The following VPS37B variants were observed in gnomAD, a reference collection of about 807,000 sequenced individuals.
VPS37B encodes VPS37B subunit of ESCRT-I, also known as vacuolar protein sorting-associated protein 37B.
Under a neutral mutation model 21.2 loss-of-function variants are expected in VPS37B, and 11 were observed. The observed-to-expected ratio is 0.52, with a 90% CI of 0.33 to 0.86. VPS37B has a LOEUF of 0.86. Among genes scored for constraint, VPS37B ranks in the 40% least tolerant of loss-of-function variants. VPS37B has a pLI of 0.03. For missense variants in VPS37B, 389 were observed against 374.8 expected, an observed-to-expected ratio of 1.04 and a Z score of -0.31; for synonymous variants, 175 against 159.6, an observed-to-expected ratio of 1.10 and a Z score of -0.73.
intron 1 of VPS37B, chr12:122,883,414 T>C (rs932804855): frequency 2.0e-5 from 3 of 152,224 alleles, no homozygotes; most frequent in East Asian, 1.9e-4. Context: ...AGTGACACAC[T>C]TGACAGTTTC....
intron 1 of VPS37B, chr12:122,872,308 C>T (rs2034055068): frequency 2.0e-6 from 2 of 985,442 alleles, no homozygotes; most frequent in Non-Finnish European, 2.4e-6. Context: ...CTAACCCCAG[C>T]AGGAGGGCTC....
chr12:122,885,736 T>C (rs1335042947), intron 1 of VPS37B: 1 of 131,302 alleles, frequency 7.6e-6, no homozygotes, highest in East Asian at 2.4e-4. Flanking sequence ...CAGGCTGGAG[T>C]GCAGTGGCGC....
chr12:122,881,214 G>C (rs1274499588), intron 1 of VPS37B: 1 of 152,208 alleles, frequency 6.6e-6, no homozygotes, highest in East Asian at 1.9e-4. Flanking sequence ...CTCTGTGACA[G>C]TGAGACAAAT....
At chr12:122,892,158 A>G (rs1272256801) in intron 1 of VPS37B, among the ~76,000 whole-genome samples, 1 of 152,236 alleles carries the variant, frequency 6.6e-6, no homozygotes, top group African/African-American at 2.4e-5. Context: ...AATAAAATAC[A>G]TGCATATGAA....
At chr12:122,872,635 C>T in intron 1 of VPS37B, 1 of 985,406 alleles carries the variant, frequency 1.0e-6, no homozygotes, top group South Asian at 4.7e-5. Flanking sequence ...CTATGCCAGG[C>T]CATGCAGAAG....
rs376677805 is a variant in VPS37B at position 122,867,415 on chromosome 12, C to A, written c.559G>T (p.Ala187Ser). Residue 187 changes from alanine to serine, a missense_variant, in exon 4 of 4, where the codon GCC becomes TCC. Coordinates refer to ENST00000267202, the MANE Select transcript of VPS37B (RefSeq NM_024667.3). The surrounding 1 kb of genome is among the most constrained non-coding windows in gnomAD (Gnocchi z 5.5). ...PPRLPELAPT[A>S]PLPYPAPEAS... Reference sequence around the variant, plus strand: ...TCTGGGGCAGGGTAGGGAAGGGGGGCGGTAGGTGCCAGTTCGGGCAGCCTG... The same window carrying A: ...TCTGGGGCAGGGTAGGGAAGGGGGGAGGTAGGTGCCAGTTCGGGCAGCCTG... 1 of 1,492,516 alleles carries A rather than the reference C, an allele frequency of 6.7e-7. No homozygotes were observed. The highest frequency in any genetic ancestry group is 1.2e-5 in the South Asian group (1 of 84,172). 92.5% of individuals were successfully genotyped at this position (1,492,516 alleles called of 1,614,324 possible).
chr12:122,891,770 G>A (rs922500523), intron 1 of VPS37B, among the ~76,000 whole-genome samples: 2 of 152,242 alleles, frequency 1.3e-5, no homozygotes, highest in African/African-American at 4.8e-5. Flanking sequence ...GAGCCATTAT[G>A]ATTCATGCAG....
rs367918670 is a variant in VPS37B, at chr12:122,867,203, C to G, written c.771G>C (p.Ser257=). 1 of 1,573,508 alleles carries G rather than the reference C, an allele frequency of 6.4e-7. No homozygotes were observed. ...VGLPTQQGFS[S]QFVSPYPPPL... is the part of the protein sequence containing the mutation. ...GTGGCGGATATGGGGACACGAACTG[C>G]GAAGAGAATCCTTGCTGAGTGGGGA... Residue 257 remains serine (S), a synonymous_variant, in exon 4 of 4, where the codon TCG becomes TCC. Coordinates refer to ENST00000267202, the MANE Select transcript of VPS37B (RefSeq NM_024667.3). This position sits in a 1 kb window ranked among gnomAD's most constrained non-coding sequence, Gnocchi z 5.5.
In VPS37B at chr12:122,867,069, C is replaced by T. The variant is rs1057026666; in HGVS notation, c.*47G>A. 3.4e-6 allele frequency: 5 copies of T among 1,479,960 alleles called. No homozygotes were observed. The East Asian group carries it at 1.2e-4, about 35-fold the overall frequency. The allele number at this position is 1,479,960 out of a possible 1,614,324, so 91.7% of individuals were successfully genotyped here. ...CAGCCTCCTTCCCGTGAGCAGAGCACAACACGCCAGGTGGAAGAAGTCTCC... is the reference window on the plus strand; with the variant it reads ...CAGCCTCCTTCCCGTGAGCAGAGCATAACACGCCAGGTGGAAGAAGTCTCC... On this transcript the variant is annotated 3_prime_UTR_variant, in exon 4 of 4. Transcript: ENST00000267202. The surrounding 1 kb of genome is among the most constrained non-coding windows in gnomAD (Gnocchi z 5.5).
intron 1 of VPS37B, chr12:122,886,147 G>A (rs2034323809): frequency 6.6e-6 from 1 of 152,098 alleles, no homozygotes; most frequent in African/African-American, 2.4e-5. Flanking sequence ...GTCTCTGATA[G>A]AGCAATACTC....
At position 122,867,519 on chromosome 12, in the gene VPS37B, C is replaced by A. The variant is rs760218716; in HGVS notation, c.455G>T (p.Arg152Leu). Residue 152 changes from arginine (R) to leucine (L), a missense_variant, in exon 4 of 4, where the codon CGA (arginine) becomes CTA (leucine). Arg to Leu is a moderately radical substitution (Grantham distance 102). Transcript: ENST00000267202. The surrounding 1 kb of genome is among the most constrained non-coding windows in gnomAD (Gnocchi z 5.5). ...YQSKRKLAHM[R>L]RVKIEKLQEM... ...CTGGAGCTTCTCGATTTTCACCCGTCGCATGTGGGCCAGTTTCCGTTTGCT... is the reference window on the plus strand; with the variant it reads ...CTGGAGCTTCTCGATTTTCACCCGTAGCATGTGGGCCAGTTTCCGTTTGCT... 8.1e-6 allele frequency: 13 copies of A among 1,613,948 alleles called. No homozygotes were observed. Among genetic ancestry groups the A allele is most frequent in the East Asian group, 4.5e-5 (2 of 44,890 alleles).
Position 122,896,109 on chromosome 12 carries a change from TC to T in VPS37B, c.-48del, listed in dbSNP as rs748632586. ...GCCACCGCCGCTGCGGCCACCAGGC[TC>T]CGCCGACCGGAAGCGCCGCCCTCAA... On this transcript the variant is annotated 5_prime_UTR_variant, in exon 1 of 4. Coordinates refer to ENST00000267202, the MANE Select transcript of VPS37B (RefSeq NM_024667.3). 1 of 1,470,612 alleles carries T rather than the reference TC, an allele frequency of 6.8e-7. No homozygotes were observed. The highest frequency in any genetic ancestry group is 9.0e-7 in the Non-Finnish European group (1 of 1,116,416). The allele number at this position is 1,470,612 out of a possible 1,614,324, so 91.1% of individuals were successfully genotyped here. A position where few individuals can be genotyped will look rare whatever the true frequency, so the allele number is the denominator to read the frequency against.
chr12:122,893,238 T>C (rs554770354), intron 1 of VPS37B, among the ~76,000 whole-genome samples: 1 of 152,340 alleles, frequency 6.6e-6, no homozygotes, highest in Non-Finnish European at 1.5e-5. Context: ...AATTACTTTT[T>C]ATTGAGCCCT....
Position 122,867,061 on chromosome 12 carries a change from G to C in VPS37B, c.*55C>G. The C allele has an allele frequency of 6.8e-7, 1 of 1,466,110 alleles. No homozygotes were observed. The allele number at this position is 1,466,110 out of a possible 1,614,324, so 90.8% of individuals were successfully genotyped here. A position where few individuals can be genotyped will look rare whatever the true frequency, so the allele number is the denominator to read the frequency against. ...CGGACCTCCAGCCTCCTTCCCGTGA[G>C]CAGAGCACAACACGCCAGGTGGAAG... On this transcript the variant is annotated 3_prime_UTR_variant, in exon 4 of 4. Coordinates refer to ENST00000267202, the MANE Select transcript of VPS37B (RefSeq NM_024667.3). The surrounding 1 kb of genome is among the most constrained non-coding windows in gnomAD (Gnocchi z 5.5).
chr12:122,895,520 CCA>C (rs1211822177), intron 1 of VPS37B, among the ~76,000 whole-genome samples: 2 of 151,854 alleles, frequency 1.3e-5, no homozygotes, highest in Non-Finnish European at 2.9e-5. Flanking sequence ...TCAGATCCCC[CCA>C]GTTCCGTCCT....
rs565901404 is a variant in VPS37B at position 122,867,184 on chromosome 12, G to C, written c.790C>G (p.Pro264Ala). 6.4e-7 allele frequency: 1 copy of C among 1,566,762 alleles called. No homozygotes were observed. Among genetic ancestry groups the C allele is most frequent in the East Asian group, 2.2e-5 (1 of 44,782 alleles). Residue 264 changes from proline to alanine, a missense_variant, in exon 4 of 4, where the codon CCG becomes GCG. Physicochemically the swap from Pro to Ala is conservative, Grantham distance 27. Transcript: ENST00000267202. This position sits in a 1 kb window ranked among gnomAD's most constrained non-coding sequence, Gnocchi z 5.5. Reference sequence around the variant, plus strand: ...GGGGGTCTCTGAGGGAGAGGTGGCGGATATGGGGACACGAACTGCGAAGAG... The same window carrying C: ...GGGGGTCTCTGAGGGAGAGGTGGCGCATATGGGGACACGAACTGCGAAGAG... The part of the protein sequence containing the change: ...GFSSQFVSPY[P>A]PPLPQRPPPR...
chr12:122,887,848 G>C (rs1360165869), intron 1 of VPS37B: 1 of 152,268 alleles, frequency 6.6e-6, no homozygotes, highest in African/African-American at 2.4e-5. Flanking sequence ...ACTACTGTCT[G>C]ATGGCAAACA....
At chr12:122,876,850 G>A (rs1356171029) in intron 1 of VPS37B, 5 of 152,154 alleles carry the variant, frequency 3.3e-5, no homozygotes, top group African/African-American at 9.7e-5. Context: ...CATATGCCAC[G>A]GCTGCTACAA....
At chr12:122,869,466 G>A (rs1046349363) in intron 2 of VPS37B, among the ~76,000 whole-genome samples, 1 of 152,238 alleles carries the variant, frequency 6.6e-6, no homozygotes, top group Non-Finnish European at 1.5e-5. Context: ...GCACCTCACA[G>A]CACTTGGTAC....
Sources: allele counts gnomAD v4.1 joint callset (sites outside exome capture counted in the v4.1 genomes callset), GRCh38; gene constraint gnomAD v4.1.1; non-coding constraint Gnocchi (gnomAD v3.1); transcripts MANE v1.5; gene names NCBI Gene and HGNC (gene_info 2026-07-23, HGNC 2026-07-21).